The following COBL variants were observed in gnomAD, a reference collection of about 807,000 sequenced individuals.
COBL encodes protein cordon-bleu.
A neutral mutation model predicts 98.8 loss-of-function variants in COBL; 51 were observed. The ratio of observed to expected loss-of-function variants is 0.52; its 90% CI spans 0.41 to 0.65. The LOEUF is 0.65. COBL is among the 30% of genes least tolerant of loss of function. COBL has a pLI of 0.00. For synonymous variants in COBL, 634 were observed against 651.7 expected (o/e 0.97, Z 0.41); for missense variants, 1,617 against 1,617.5 (o/e 1.00, Z 0.01).
At chr7:51,239,015 A>C (rs1795527864) in intron 1 of COBL, among the ~76,000 whole-genome samples, 1 of 152,250 alleles carries the variant, frequency 6.6e-6, no homozygotes, top group African/African-American at 2.4e-5. Flanking sequence ...TTATGGTTAA[A>C]TAAAATACAT....
chr7:51,171,909 T>C (rs1787909543), intron 5 of COBL, among the ~76,000 whole-genome samples: 1 of 152,230 alleles, frequency 6.6e-6, no homozygotes. Flanking sequence ...ATGTAATTTT[T>C]AATAGGTGAT....
intron 1 of COBL, among the ~76,000 whole-genome samples, chr7:51,294,335 T>A (rs992559860): frequency 3.8e-5 from 5 of 133,122 alleles, no homozygotes; most frequent in East Asian, 2.8e-4. Context: ...TAAATAAAAA[T>A]AAATAAATAA....
chr7:51,083,108 C>T, intron 7 of COBL: 1 of 1,511,572 alleles, frequency 6.6e-7, no homozygotes, highest in Non-Finnish European at 8.8e-7. Flanking sequence ...CCCGGGAAAG[C>T]TGAGAGGCTC....
At chr7:51,157,231 G>C (rs1372543979) in intron 5 of COBL, among the ~76,000 whole-genome samples, 1 of 152,200 alleles carries the variant, frequency 6.6e-6, no homozygotes, top group Admixed American at 6.5e-5. Context: ...AAATTAGCCA[G>C]GCGTGGTGGT....
intron 5 of COBL, among the ~76,000 whole-genome samples, chr7:51,177,616 T>C (rs1788496302): frequency 6.6e-6 from 1 of 150,960 alleles, no homozygotes; most frequent in Admixed American, 6.6e-5. Context: ...CTACTAAAAA[T>C]ACAAAAATTA....
At chr7:51,190,225 A>T (rs1046592372) in intron 4 of COBL, among the ~76,000 whole-genome samples, 1 of 151,814 alleles carries the variant, frequency 6.6e-6, no homozygotes, top group African/African-American at 2.4e-5. Flanking sequence ...TTTTTTTTTT[A>T]AAGAGACAGG....
At chr7:51,117,445 A>G (rs1359392740) in intron 6 of COBL, among the ~76,000 whole-genome samples, 1 of 152,010 alleles carries the variant, frequency 6.6e-6, no homozygotes, top group Non-Finnish European at 1.5e-5. Context: ...TTTATTTTCA[A>G]CTTCACTGCC....
intron 1 of COBL, among the ~76,000 whole-genome samples, chr7:51,299,101 C>T (rs1801674056): frequency 6.6e-6 from 1 of 152,170 alleles, no homozygotes; most frequent in Admixed American, 6.5e-5. Flanking sequence ...GCCCTTAGGC[C>T]AGACAGGCTG....
intron 2 of COBL, among the ~76,000 whole-genome samples, chr7:51,202,645 T>A (rs1297486341): frequency 6.6e-6 from 1 of 152,120 alleles, no homozygotes; most frequent in Non-Finnish European, 1.5e-5. Flanking sequence ...TTAGAAAATA[T>A]CTTGAGACAA....
intron 1 of COBL, among the ~76,000 whole-genome samples, chr7:51,272,484 T>G (rs1798850180): frequency 6.6e-6 from 1 of 152,160 alleles, no homozygotes; most frequent in Admixed American, 6.5e-5. Context: ...TCATCAGTAT[T>G]TATCTCCCTA....
rs1269769473 is a variant in COBL, at chr7:51,259,939, T to C, written c.42-39995A>G. ...AATGTTATCTGGCAATTCCAAGGCA[T>C]GAGGTTTCACTTCTAGTCATCTGAG... is the stretch of plus-strand genomic sequence containing the variant. On this transcript the variant is annotated intron_variant, in intron 1 of 12. Coordinates refer to ENST00000265136, the MANE Select transcript of COBL (RefSeq NM_015198.5). The C allele has an allele frequency of 2.7e-4, 203 of 758,174 alleles. 3 individuals carry two copies. In the South Asian group the frequency reaches 2.8e-3, roughly 10 times the overall value. The allele number at this position is 758,174 out of a possible 1,614,324, so 47.0% of individuals were successfully genotyped here.
In COBL at chr7:51,059,404, GGTAA is replaced by G. The variant is rs1484302370; in HGVS notation, c.1097-15716_1097-15713del. On this transcript the variant is annotated intron_variant, in intron 7 of 12. Transcript: ENST00000265136. Reference sequence around the variant, plus strand: ...TCCAAAAACCTAACCTATTGATGATGGTAAGTGAGGACTTACTGTATAATCATTC... The same window carrying G: ...TCCAAAAACCTAACCTATTGATGATGGTGAGGACTTACTGTATAATCATTC... Among the ~76,000 whole-genome samples the G allele has an allele frequency of 4.6e-5, 7 of 152,196 alleles. 1 individual carries two copies. The highest frequency in any genetic ancestry group is 4.1e-4 in the South Asian group (2 of 4,820).
intron 5 of COBL, among the ~76,000 whole-genome samples, chr7:51,153,160 G>A (rs537408053): frequency 6.6e-6 from 1 of 152,222 alleles, no homozygotes; most frequent in African/African-American, 2.4e-5. Flanking sequence ...TGCACACTCC[G>A]GTGAGAAGCT....
intron 7 of COBL, among the ~76,000 whole-genome samples, chr7:51,051,072 G>C (rs1475088291): frequency 6.6e-6 from 1 of 152,046 alleles, no homozygotes; most frequent in Non-Finnish European, 1.5e-5. Flanking sequence ...ACTTAGGAGG[G>C]TATACTCTCG....
chr7:51,122,969 C>T (rs554012867), intron 6 of COBL, among the ~76,000 whole-genome samples: 5 of 140,972 alleles, frequency 3.5e-5, no homozygotes, highest in African/African-American at 1.1e-4. Flanking sequence ...GGCGACAGAG[C>T]GAGACTCCAT....
At chr7:51,251,229 G>T (rs1796708002) in intron 1 of COBL, among the ~76,000 whole-genome samples, 1 of 152,160 alleles carries the variant, frequency 6.6e-6, no homozygotes, top group Non-Finnish European at 1.5e-5. Flanking sequence ...GAATGTATAT[G>T]ACATGCCAGG....
At chr7:51,153,003 A>G (rs940422202) in intron 5 of COBL, among the ~76,000 whole-genome samples, 4 of 152,190 alleles carry the variant, frequency 2.6e-5, no homozygotes, top group African/African-American at 9.7e-5. Context: ...ATTTTTACAT[A>G]TGGCTAAGAG....
At position 51,027,813 on chromosome 7, in the gene COBL, A is replaced by AT; in HGVS notation, c.3282dup (p.Phe1095IlefsTer81). The AT allele has an allele frequency of 6.2e-7, 1 of 1,614,072 alleles. No individual in the cohort carries two copies. Among genetic ancestry groups the AT allele is most frequent in the South Asian group, 1.1e-5 (1 of 91,074 alleles). ...ACTGGTCTCTGGACAACAGGTTTGA[A>AT]TTTTTTCTTCGGCCCAAAAATGCTG... On this transcript the variant is annotated frameshift_variant, in exon 10 of 13. Transcript: ENST00000265136. LOFTEE classifies it high-confidence loss of function.
chr7:51,268,479 A>G (rs1286742936), intron 1 of COBL, among the ~76,000 whole-genome samples: 1 of 152,156 alleles, frequency 6.6e-6, no homozygotes, highest in Non-Finnish European at 1.5e-5. Context: ...CCTTCCTGCA[A>G]CGCAGATGAA....
Sources: allele counts gnomAD v4.1 joint callset (sites outside exome capture counted in the v4.1 genomes callset), GRCh38; gene constraint gnomAD v4.1.1; transcripts MANE v1.5; gene names NCBI Gene and HGNC (gene_info 2026-07-23, HGNC 2026-07-21).